CASP6: variants seen among roughly 807,000 people sequenced by gnomAD.
CASP6 encodes the protein caspase-6.
Under a neutral mutation model 31.8 loss-of-function variants are expected in CASP6, and 20 were observed. The observed-to-expected ratio is 0.63, with a 90% CI of 0.44 to 0.91. The LOEUF is 0.91. CASP6 is among the 40% of genes least tolerant of loss of function. The pLI is 0.00. For missense variants in CASP6, 328 were observed against 361.1 expected (o/e 0.91, Z 0.74); for synonymous variants, 130 against 127.8 (o/e 1.02, Z -0.12).
chr4:109,682,709 C>A, the CASP6 span: 4 of 1,613,712 alleles, frequency 2.5e-6, no homozygotes, highest in Non-Finnish European at 3.4e-6. Context: ...AGAAAATTGA[C>A]CACCTGAAGG....
the CASP6 span, chr4:109,683,161 A>G: frequency 6.5e-6 from 1 of 153,048 alleles, no homozygotes; most frequent in Admixed American, 6.5e-5. Flanking sequence ...GAAAGTTGGT[A>G]ATGGCTAGCA....
chr4:109,699,486 C>T (rs1162854820), intron 1 of CASP6, among the ~76,000 whole-genome samples: 1 of 152,146 alleles, frequency 6.6e-6, no homozygotes. Flanking sequence ...GCAATGAGAC[C>T]CAACTAAGAC....
chr4:109,698,274 T>C, intron 2 of CASP6, 26 bp downstream of exon 2: 1 of 1,599,542 alleles, frequency 6.3e-7, no homozygotes, highest in East Asian at 2.3e-5. Context: ...GGAAGAGACC[T>C]TTATTAGAAA....
At chr4:109,697,536 G>A (rs2126159640) in intron 3 of CASP6, 86 bp downstream of exon 3, 1 of 1,464,284 alleles carries the variant, frequency 6.8e-7, no homozygotes, top group East Asian at 2.4e-5. Context: ...CAAAGTGCTG[G>A]GATTACCAGC....
upstream of CASP6, among the ~76,000 whole-genome samples, chr4:109,705,962 T>C (rs1579117760): frequency 1.3e-5 from 1 of 76,314 alleles, no homozygotes; most frequent in African/African-American, 5.0e-5. Context: ...GGTGACAGAG[T>C]AAGACACTCT....
upstream of CASP6, among the ~76,000 whole-genome samples, chr4:109,705,999 AAAATATATATATAT>A (rs1399023755): frequency 3.1e-4 from 11 of 35,998 alleles, no homozygotes; most frequent in African/African-American, 1.4e-3. Flanking sequence ...AAAAAAAAAA[AAAATATATATATAT>A]ATATATATAT....
chr4:109,665,572 T>C, the CASP6 span, among the ~76,000 whole-genome samples: 1 of 152,216 alleles, frequency 6.6e-6, no homozygotes, highest in Non-Finnish European at 1.5e-5. Context: ...CCATACTCCC[T>C]TCATATACTT....
At chr4:109,685,755 T>G (rs763572025), downstream of CASP6, among the ~76,000 whole-genome samples, 2 of 152,226 alleles carry the variant, frequency 1.3e-5, no homozygotes, top group African/African-American at 2.4e-5. Flanking sequence ...TATTCCTCCC[T>G]TCATCTTTTT....
Position 109,688,999 on chromosome 4 carries a change from C to A in CASP6, c.*331G>T, listed in dbSNP as rs1291441427. On this transcript the variant is annotated 3_prime_UTR_variant, in exon 7 of 7. Coordinates refer to ENST00000265164, the MANE Select transcript of CASP6 (RefSeq NM_001226.4). ...GAAAGACATTTTCTTTTTTTTGAGA[C>A]GGAGTTTCACTCGTTGCCCAGGCTG... 1 of 184,686 alleles carries A rather than the reference C, an allele frequency of 5.4e-6. No homozygotes were observed. The highest frequency in any genetic ancestry group is 2.3e-5 in the African/African-American group (1 of 42,588). 11.4% of individuals were successfully genotyped at this position (184,686 alleles called of 1,614,324 possible). A position where few individuals can be genotyped will look rare whatever the true frequency, so the allele number is the denominator to read the frequency against.
intron 5 of CASP6, among the ~76,000 whole-genome samples, chr4:109,693,526 A>C (rs1730139868): frequency 6.6e-6 from 1 of 151,894 alleles, no homozygotes; most frequent in Non-Finnish European, 1.5e-5. Flanking sequence ...CATCTCTATG[A>C]AAATACAAAA....
At chr4:109,685,468 C>T (rs1729819287), downstream of CASP6, 1 of 579,366 alleles carries the variant, frequency 1.7e-6, no homozygotes, top group Admixed American at 2.7e-5. Context: ...AAATCTTGGT[C>T]CTAGATTTCT....
chr4:109,703,617 G>A (rs904375875), upstream of CASP6: 32 of 584,112 alleles, frequency 5.5e-5, no homozygotes, highest in East Asian at 9.5e-4. Flanking sequence ...CGGGGACCAA[G>A]AGCGCGGGGG....
intron 1 of CASP6, among the ~76,000 whole-genome samples, chr4:109,702,382 T>C (rs1730448341): frequency 6.8e-6 from 1 of 146,196 alleles, no homozygotes; most frequent in South Asian, 2.2e-4. Flanking sequence ...GAGGTTGGAG[T>C]GCAGTGGGGC....
At chr4:109,678,937 A>AT in the CASP6 span, among the ~76,000 whole-genome samples, 2 of 70,554 alleles carry the variant, frequency 2.8e-5, no homozygotes, top group Admixed American at 1.4e-4. Flanking sequence ...CATCCCAGAC[A>AT]GGGTGGCCGG....
At chr4:109,665,954 G>GA in the CASP6 span, among the ~76,000 whole-genome samples, 2 of 150,890 alleles carry the variant, frequency 1.3e-5, no homozygotes, top group African/African-American at 4.9e-5. Flanking sequence ...AGAGTGGGAG[G>GA]AAAAAAAGAA....
chr4:109,700,007 T>C (rs1048453152), intron 1 of CASP6, among the ~76,000 whole-genome samples: 3 of 152,212 alleles, frequency 2.0e-5, no homozygotes, highest in African/African-American at 7.2e-5. Flanking sequence ...TGTCTCAGTG[T>C]CCTCCTCGGT....
At chr4:109,682,673 G>A in the CASP6 span, 2 of 1,613,414 alleles carry the variant, frequency 1.2e-6, no homozygotes, top group Admixed American at 1.7e-5. Flanking sequence ...AAGAGTCTCA[G>A]AAAAAGAGAG....
the CASP6 span, among the ~76,000 whole-genome samples, chr4:109,668,260 C>A: frequency 6.6e-6 from 1 of 152,082 alleles, no homozygotes; most frequent in Non-Finnish European, 1.5e-5. Context: ...AACATGAATT[C>A]ATCTATTTCT....
chr4:109,666,277 T>TGTTTGCACGTAGATTTTCAAATCA, the CASP6 span, among the ~76,000 whole-genome samples: 1 of 152,220 alleles, frequency 6.6e-6, no homozygotes, highest in African/African-American at 2.4e-5. Flanking sequence ...CGCAGGCTTT[T>TGTTTGCACGTAGATTTTCAAATCA]GTTTGCACGT....
Sources: gnomAD v4.1 joint callset for allele counts (sites outside exome capture counted in the v4.1 genomes callset) on GRCh38, gnomAD v4.1.1 for gene constraint, MANE v1.5 for transcripts, NCBI Gene and HGNC (gene_info 2026-07-23, HGNC 2026-07-21) for gene names.